The following ST14 variants were observed in gnomAD, a reference collection of about 807,000 sequenced individuals.
ST14 encodes the protein ST14 transmembrane serine protease matriptase.
A neutral mutation model predicts 96.5 loss-of-function variants in ST14; 40 were observed. That is an observed-to-expected ratio of 0.41 (90% CI 0.32 to 0.54). ST14 has a LOEUF of 0.54. ST14 is among the 20% of genes least tolerant of loss of function. The pLI is 0.17. For synonymous variants in ST14, 506 were observed against 492.1 expected, an observed-to-expected ratio of 1.03 and a Z score of -0.37; for missense variants, 1,066 against 1,188.9, an observed-to-expected ratio of 0.90 and a Z score of 1.52.
At chr11:130,197,386 T>C (rs1052769180) in intron 11 of ST14, among the ~76,000 whole-genome samples, 1 of 152,236 alleles carries the variant, frequency 6.6e-6, no homozygotes, top group Non-Finnish European at 1.5e-5. Context: ...CATTGAAATA[T>C]GGAAAATGTT....
intron 9 of ST14, among the ~76,000 whole-genome samples, chr11:130,195,866 A>G (rs1412538004): frequency 7.0e-6 from 1 of 142,158 alleles, no homozygotes; most frequent in African/African-American, 2.7e-5. Context: ...AAAAAAAAAA[A>G]AGAAAAGAGG....
At chr11:130,205,866 T>G (rs755390808) in intron 16 of ST14, among the ~76,000 whole-genome samples, 4 of 152,006 alleles carry the variant, frequency 2.6e-5, no homozygotes, top group Non-Finnish European at 1.5e-5. Flanking sequence ...GCCTGGCTAA[T>G]TTTTGTATTT....
rs530719921 is a variant in ST14, at chr11:130,197,854, G to T, written c.1368G>T (p.Gln456His). ...SYDSSDPCPG[Q>H]FTCRTGRCIR... ...CTGTGCCCGCAGCATGCCCGGGGCAGTTCACGTGCCGCACGGGGCGGTGTA... is the reference window on the plus strand; with the variant it reads ...CTGTGCCCGCAGCATGCCCGGGGCATTTCACGTGCCGCACGGGGCGGTGTA... Residue 456 changes from glutamine (Q) to histidine (H), a missense_variant, in exon 12 of 19, where the codon CAG becomes CAT. Physicochemically the swap from Gln to His is conservative, Grantham distance 24 (BLOSUM62 0). Transcript: ENST00000278742. The T allele has an allele frequency of 1.3e-6, 2 of 1,582,968 alleles. No homozygotes were observed. The highest frequency in any genetic ancestry group is 1.1e-5 in the South Asian group (1 of 87,482).
chr11:130,194,810 AGATGTGTGTG>A (rs1953342244), intron 9 of ST14, 73 bp downstream of exon 9: 1 of 1,492,476 alleles, frequency 6.7e-7, no homozygotes, highest in South Asian at 1.1e-5. Flanking sequence ...CTCCCTGTGC[AGATGTGTGTG>A]GATGTGTGTG....
At chr11:130,175,006 A>G (rs906166106) in intron 1 of ST14, among the ~76,000 whole-genome samples, 14 of 152,348 alleles carry the variant, frequency 9.2e-5, no homozygotes, top group African/African-American at 3.1e-4. Flanking sequence ...TATATCTTGC[A>G]TGGCTCTGCA....
At chr11:130,171,125 T>C (rs948827316) in intron 1 of ST14, among the ~76,000 whole-genome samples, 3 of 152,236 alleles carry the variant, frequency 2.0e-5, no homozygotes, top group Non-Finnish European at 4.4e-5. Context: ...ACTGACATCC[T>C]GCTCTTTTCT....
At chr11:130,168,973 T>C (rs866276720) in intron 1 of ST14, among the ~76,000 whole-genome samples, 4 of 151,564 alleles carry the variant, frequency 2.6e-5, no homozygotes, top group African/African-American at 9.7e-5. Context: ...GACTCAGCAC[T>C]GAAAAGGAAC....
Position 130,209,516 on chromosome 11 carries a change from C to T in ST14, c.2344C>T (p.Gln782Ter), listed in dbSNP as rs1343368319. The T allele has an allele frequency of 6.3e-7, 1 of 1,582,706 alleles. No individual in the cohort carries two copies. Among genetic ancestry groups the T allele is most frequent in the Non-Finnish European group, 8.6e-7 (1 of 1,164,314 alleles). Residue 782 changes from glutamine (Q) to a stop codon, truncating the protein, a stop_gained, in exon 18 of 19, where the codon CAG (glutamine) becomes TAG (stop). Coordinates refer to ENST00000278742, the MANE Select transcript of ST14 (RefSeq NM_021978.4). LOFTEE classifies it high-confidence loss of function. ...GACCACCTGCGAGAACCTCCTGCCG[C>T]AGCAGATCACGCCGCGCATGATGTG... ...NQTTCENLLP[Q>*]QITPRMMCVG...
chr11:130,171,114 T>C (rs1953088755), intron 1 of ST14, among the ~76,000 whole-genome samples: 1 of 152,222 alleles, frequency 6.6e-6, no homozygotes, highest in Non-Finnish European at 1.5e-5. Flanking sequence ...CATTTCAAGC[T>C]ACTGACATCC....
intron 16 of ST14, 65 bp from the exon 17 acceptor site, chr11:130,208,345 G>GGGCCGCGA (rs1383962810): frequency 6.8e-6 from 11 of 1,610,184 alleles, no homozygotes; most frequent in Admixed American, 1.7e-5. Flanking sequence ...GGAACGCGCG[G>GGGCCGCGA]GGCCGCGAGG....
At chr11:130,175,970 A>G (rs1014888626) in intron 1 of ST14, among the ~76,000 whole-genome samples, 4 of 152,174 alleles carry the variant, frequency 2.6e-5, no homozygotes, top group Non-Finnish European at 5.9e-5. Flanking sequence ...GCCTTGGCTG[A>G]TTTGTGGTTC....
rs532389456 is a variant in ST14 at position 130,182,731 on chromosome 11, T to G, written c.82-5383T>G. On this transcript the variant is annotated intron_variant, in intron 1 of 18. Transcript: ENST00000278742. ...GTGGTGTGATCTCGGCTCACTGCAA[T>G]CTCCGCCTCCCAGGTTCAAGCAACT... 9.5e-4 allele frequency among the ~76,000 whole-genome samples: 142 copies of G among 149,552 alleles called. No individual in the cohort carries two copies. The South Asian group carries it at 0.013, about 14-fold the overall frequency.
At position 130,200,126 on chromosome 11, in the gene ST14, C is replaced by G. The variant is rs772428249; in HGVS notation, c.1983C>G (p.Asp661Glu). Residue 661 changes from aspartate to glutamate, a missense_variant, in exon 16 of 19, where the codon GAC (aspartate) becomes GAG (glutamate). Physicochemically the swap from Asp to Glu is conservative, Grantham distance 45. Transcript: ENST00000278742. ...LVSAAHCYID[D>E]RGFRYSDPTQ... is the part of the protein sequence containing the mutation. ...CTGCCGCACACTGCTACATCGATGA[C>G]AGAGGATTCAGGTGGGTCTCTGGGT... 6.2e-7 allele frequency: 1 copy of G among 1,614,172 alleles called. No individual in the cohort carries two copies. Among genetic ancestry groups the G allele is most frequent in the Non-Finnish European group, 8.5e-7 (1 of 1,180,020 alleles).
At chr11:130,203,843 G>A (rs112755881) in intron 16 of ST14, among the ~76,000 whole-genome samples, 3,436 of 152,236 alleles carry the variant, frequency 0.023, 50 homozygotes, top group Non-Finnish European at 0.031. Context: ...TAGTAGAAAC[G>A]GGGTTTCACC....
intron 4 of ST14, chr11:130,189,312 TA>T (rs535602646): frequency 4.5e-6 from 2 of 449,268 alleles, no homozygotes; most frequent in East Asian, 4.3e-5. Flanking sequence ...CATACTTTTG[TA>T]AAAAAATAGA....
intron 1 of ST14, among the ~76,000 whole-genome samples, chr11:130,175,111 G>A (rs1022511319): frequency 2.6e-5 from 4 of 152,196 alleles, no homozygotes; most frequent in African/African-American, 4.8e-5. Context: ...AATTTCAAGC[G>A]GAATGGCAAA....
chr11:130,187,183 C>T lies in ST14; in HGVS notation c.82-931C>T, dbSNP rs750357558. Among the ~76,000 whole-genome samples, 130 of 152,002 alleles carry T rather than the reference C, an allele frequency of 8.6e-4. No homozygotes were observed. The highest frequency in any genetic ancestry group is 1.4e-3 in the Admixed American group (21 of 15,284). ...TTTGTTGTGAGCCGTATTGAGTGGG[C>T]GTGAGGTAGTTAAACTGAGAGTGCC... On this transcript the variant is annotated intron_variant, in intron 1 of 18. Coordinates refer to ENST00000278742, the MANE Select transcript of ST14 (RefSeq NM_021978.4). This position sits in a 1 kb window ranked among gnomAD's most constrained non-coding sequence, Gnocchi z 4.5.
rs1953428825 is a variant in ST14, at chr11:130,201,574, C to T, written c.1994+1437C>T. On this transcript the variant is annotated intron_variant, in intron 16 of 18. Transcript: ENST00000278742. ...CCCCAGCTTCGCTGGGTGCTTGACA[C>T]GTGGCTTTGTCCAGCCTGAGGCTGT... Among the ~76,000 whole-genome samples the T allele has an allele frequency of 2.0e-5, 3 of 152,236 alleles. No individual in the cohort carries two copies. In the South Asian group the frequency reaches 6.2e-4, roughly 31 times the overall value.
chr11:130,173,866 C>T (rs943766469), intron 1 of ST14, among the ~76,000 whole-genome samples: 2 of 152,180 alleles, frequency 1.3e-5, no homozygotes, highest in Non-Finnish European at 2.9e-5. Flanking sequence ...TGTCCCTACC[C>T]ACTTGCACCC....
Sources: gnomAD v4.1 joint callset for allele counts (sites outside exome capture counted in the v4.1 genomes callset) on GRCh38, gnomAD v4.1.1 for gene constraint, Gnocchi (gnomAD v3.1) non-coding constraint, MANE v1.5 for transcripts, NCBI Gene and HGNC (gene_info 2026-07-23, HGNC 2026-07-21) for gene names.